The following RAB5B variants were observed in gnomAD, a reference collection of about 807,000 sequenced individuals.
RAB5B encodes the protein ras-related protein Rab-5B.
In RAB5B, 11 loss-of-function variants were observed where a neutral mutation model predicts 28.6. The ratio of observed to expected loss-of-function variants is 0.38; its 90% CI spans 0.24 to 0.64. RAB5B has a LOEUF of 0.64. Among genes scored for constraint, RAB5B ranks in the 30% least tolerant of loss-of-function variants. The pLI, the probability that RAB5B is intolerant of heterozygous loss-of-function variation, is 0.53. For missense variants in RAB5B, 169 were observed against 265.6 expected (o/e 0.64, Z 2.53); for synonymous variants, 93 against 97.9 (o/e 0.95, Z 0.29).
At chr12:55,977,729 A>G (rs964302007) in intron 1 of RAB5B, among the ~76,000 whole-genome samples, 1 of 152,208 alleles carries the variant, frequency 6.6e-6, no homozygotes, top group Admixed American at 6.5e-5. Context: ...GTATACTCCC[A>G]CTTCCGTTTT....
rs752948025 is a variant in RAB5B at position 55,990,069 on chromosome 12, G to A, written c.286G>A (p.Ala96Thr). ...APMYYRGAQA[A>T]IVVYDITNQE... ...CATGTACTACAGGGGTGCCCAAGCT[G>A]CAATCGTGGTTTACGACATTACTAA... The change falls in exon 3 of 6, where the codon GCA becomes ACA. Residue 96 changes from alanine (A) to threonine (T), a missense_variant. By Grantham distance (58) the Ala-to-Thr change is moderately conservative (BLOSUM62 0). Transcript: ENST00000360299. 1.2e-6 allele frequency: 2 copies of A among 1,614,114 alleles called. No individual in the cohort carries two copies. Among genetic ancestry groups the A allele is most frequent in the Non-Finnish European group, 1.7e-6 (2 of 1,179,992 alleles).
intron 1 of RAB5B, among the ~76,000 whole-genome samples, chr12:55,982,068 C>G (rs962303230): frequency 1.3e-5 from 2 of 152,000 alleles, no homozygotes; most frequent in African/African-American, 4.8e-5. Context: ...TCCCAAAGTG[C>G]TGGGATTTCA....
In RAB5B at chr12:55,980,983, C is replaced by G. The variant is rs554101353; in HGVS notation, c.-92-5886C>G. 20 of 1,613,894 alleles carry G rather than the reference C, an allele frequency of 1.2e-5. No individual in the cohort carries two copies. In the South Asian group the frequency reaches 2.1e-4, roughly 17 times the overall value. ...TGATCAGACAAGTCTTGCCCACCCC[C>G]GAGTCCCCGATCAGCAGCAACTTGA... On this transcript the variant is annotated intron_variant, in intron 1 of 5. Coordinates refer to ENST00000360299, the MANE Select transcript of RAB5B (RefSeq NM_002868.4).
chr12:55,989,490 T>G (rs1246692833), intron 2 of RAB5B, among the ~76,000 whole-genome samples: 1 of 151,880 alleles, frequency 6.6e-6, no homozygotes, highest in Non-Finnish European at 1.5e-5. Flanking sequence ...GCCAGACTGG[T>G]CTCGAACTCC....
chr12:55,989,901 C>T, intron 2 of RAB5B, 46 bp from the exon 3 acceptor site: 1 of 1,569,228 alleles, frequency 6.4e-7, no homozygotes, highest in South Asian at 1.1e-5. Flanking sequence ...TGTTCCCATT[C>T]ATCCTCCCAC....
chr12:55,990,180 C>T (rs1487865573), intron 3 of RAB5B, 82 bp downstream of exon 3: 72 of 1,424,312 alleles, frequency 5.1e-5, no homozygotes, highest in Admixed American at 1.3e-4. Flanking sequence ...GATGCCAAGG[C>T]GGGAGGATCA....
Position 55,994,604 on chromosome 12 carries a change from C to T in RAB5B, c.*2392C>T, listed in dbSNP as rs1890234589. On this transcript the variant is annotated 3_prime_UTR_variant, in exon 6 of 6. Coordinates refer to ENST00000360299, the MANE Select transcript of RAB5B (RefSeq NM_002868.4). Reference sequence around the variant, plus strand: ...TGTTTTTGTTTTGCTTCTGAGAAAGCATTTGCCTTTCTTCCTCTCCCAACA... The same window carrying T: ...TGTTTTTGTTTTGCTTCTGAGAAAGTATTTGCCTTTCTTCCTCTCCCAACA... The T allele has an allele frequency of 6.6e-6, 1 of 152,318 alleles. No individual in the cohort carries two copies. Among genetic ancestry groups the T allele is most frequent in the Non-Finnish European group, 1.5e-5 (1 of 67,984 alleles). The allele number at this position is 152,318 out of a possible 1,614,324, so 9.4% of individuals were successfully genotyped here. A position where few individuals can be genotyped will look rare whatever the true frequency, so the allele number is the denominator to read the frequency against.
At position 55,994,953 on chromosome 12, in the gene RAB5B, A is replaced by T. The variant is rs1009868239; in HGVS notation, c.*2741A>T. On this transcript the variant is annotated 3_prime_UTR_variant, in exon 6 of 6. Coordinates refer to ENST00000360299, the MANE Select transcript of RAB5B (RefSeq NM_002868.4). ...TCTAAGGCCACTAGATTGTTCATCA[A>T]ATCAAACCCTATTATATCTTTTTAG... 1 of 152,102 alleles carries T rather than the reference A, an allele frequency of 6.6e-6. No individual in the cohort carries two copies. The highest frequency in any genetic ancestry group is 6.5e-5 in the Admixed American group (1 of 15,270). 9.4% of individuals were successfully genotyped at this position (152,102 alleles called of 1,614,324 possible).
intron 1 of RAB5B, among the ~76,000 whole-genome samples, chr12:55,976,397 G>C (rs935628583): frequency 6.6e-6 from 1 of 152,128 alleles, no homozygotes; most frequent in Non-Finnish European, 1.5e-5. Context: ...TTCACCTTGA[G>C]TACACACAAA....
chr12:55,996,003 A>ATATATATATATATATATATATTTT lies in RAB5B; in HGVS notation c.*3792_*3793insATATATATATATATATATATTTTT. 5.1e-5 allele frequency: 5 copies of ATATATATATATATATATATATTTT among 97,428 alleles called. No individual in the cohort carries two copies. The highest frequency in any genetic ancestry group is 9.9e-5 in the Non-Finnish European group (5 of 50,488). 6.0% of individuals were successfully genotyped at this position (97,428 alleles called of 1,614,324 possible). On this transcript the variant is annotated 3_prime_UTR_variant, in exon 6 of 6. Coordinates refer to ENST00000360299, the MANE Select transcript of RAB5B (RefSeq NM_002868.4). ...TATATACATATATATATATATATATATTTTTTTTTTAACAACTGGTAGGAT... is the reference window on the plus strand; with the variant it reads ...TATATACATATATATATATATATATATATATATATATATATATATATTTTTTTTTTTTTTAACAACTGGTAGGAT...
At chr12:55,981,934 T>G (rs567269054) in intron 1 of RAB5B, among the ~76,000 whole-genome samples, 137 of 151,980 alleles carry the variant, frequency 9.0e-4, no homozygotes, top group Non-Finnish European at 1.6e-3. Context: ...CCCAAGTAGC[T>G]GAGATTACAG....
Position 55,992,107 on chromosome 12 carries a change from G to T in RAB5B, c.543G>T (p.Leu181Phe), listed in dbSNP as rs776809686. ...NDLFLAIAKKLPKSEPQNLGG... is the reference protein window; with the variant it reads ...NDLFLAIAKKFPKSEPQNLGG... ...TCTTTTTATCTCTAGCTAAGAAGTTGCCAAAGAGTGAACCCCAGAATCTGG... is the reference window on the plus strand; with the variant it reads ...TCTTTTTATCTCTAGCTAAGAAGTTTCCAAAGAGTGAACCCCAGAATCTGG... Residue 181 changes from leucine (L) to phenylalanine (F), a missense_variant, in exon 6 of 6, where the codon TTG (leucine) becomes TTT (phenylalanine). Physicochemically the swap from Leu to Phe is conservative, Grantham distance 22. Coordinates refer to ENST00000360299, the MANE Select transcript of RAB5B (RefSeq NM_002868.4). The T allele has an allele frequency of 1.2e-6, 2 of 1,613,830 alleles. No homozygotes were observed. Among genetic ancestry groups the T allele is most frequent in the African/African-American group, 2.7e-5 (2 of 74,898 alleles).
intron 1 of RAB5B, among the ~76,000 whole-genome samples, chr12:55,979,209 G>T (rs1381701859): frequency 6.6e-6 from 1 of 152,090 alleles, no homozygotes; most frequent in Non-Finnish European, 1.5e-5. Flanking sequence ...ATTTTGCTAG[G>T]CAGACAAGTA....
intron 1 of RAB5B, among the ~76,000 whole-genome samples, 155 bp downstream of exon 1, chr12:55,974,294 G>A (rs11171710): frequency 0.37 from 55,554 of 152,078 alleles, 11,841 homozygotes; most frequent in East Asian, 0.55. Flanking sequence ...CAGGCCTAAT[G>A]GGGGTCGCTG....
intron 1 of RAB5B, among the ~76,000 whole-genome samples, chr12:55,975,299 G>A (rs1429983398): frequency 1.3e-5 from 2 of 152,126 alleles, no homozygotes; most frequent in Non-Finnish European, 2.9e-5. Flanking sequence ...GAAACTATGC[G>A]GTGATATCAC....
chr12:55,991,510 A>G (rs1890120878), intron 5 of RAB5B, 57 bp downstream of exon 5: 3 of 1,430,182 alleles, frequency 2.1e-6, no homozygotes, highest in South Asian at 2.3e-5. Flanking sequence ...GCAAAATTAT[A>G]GCTAACCCAA....
chr12:55,983,075 TTTTA>T (rs761204257), intron 1 of RAB5B, among the ~76,000 whole-genome samples: 15 of 152,128 alleles, frequency 9.9e-5, no homozygotes, highest in Non-Finnish European at 2.1e-4. Flanking sequence ...CTGTCTTCTC[TTTTA>T]TTTATTTTTT....
Position 55,996,344 on chromosome 12 carries a change from G to A in RAB5B, c.*4132G>A. The stretch of plus-strand genomic sequence containing the variant: ...ACATTTGTCCAGATTGGGGGACTAG[G>A]TTTGATAAATTTTGTCCTGCATCAA... On this transcript the variant is annotated 3_prime_UTR_variant, in exon 6 of 6. Coordinates refer to ENST00000360299, the MANE Select transcript of RAB5B (RefSeq NM_002868.4). The A allele has an allele frequency of 6.6e-6, 1 of 152,102 alleles. No homozygotes were observed. Among genetic ancestry groups the A allele is most frequent in the East Asian group, 1.9e-4 (1 of 5,192 alleles). 9.4% of individuals were successfully genotyped at this position (152,102 alleles called of 1,614,324 possible). A position where few individuals can be genotyped will look rare whatever the true frequency, so the allele number is the denominator to read the frequency against.
chr12:55,975,856 A>G (rs1434349391), intron 1 of RAB5B, among the ~76,000 whole-genome samples: 24 of 137,510 alleles, frequency 1.7e-4, no homozygotes, highest in Non-Finnish European at 3.5e-4. Flanking sequence ...GGTTCAAGAG[A>G]TTCTCCTGCC....
Sources: gnomAD v4.1 joint callset for allele counts (sites outside exome capture counted in the v4.1 genomes callset) on GRCh38, gnomAD v4.1.1 for gene constraint, MANE v1.5 for transcripts, NCBI Gene and HGNC (gene_info 2026-07-23, HGNC 2026-07-21) for gene names.